Variants in LY75 observed in about 807,000 individuals in gnomAD.
LY75 encodes C-type lectin domain family 13 member B.
Under a neutral mutation model 231.7 loss-of-function variants are expected in LY75, and 185 were observed. The ratio of observed to expected loss-of-function variants is 0.80; its 90% CI spans 0.71 to 0.90. The LOEUF is 0.90. LY75 is among the 40% of genes least tolerant of loss of function. LY75 has a pLI of 0.00. For synonymous variants in LY75, 668 were observed against 689.0 expected (o/e 0.97, Z 0.48); for missense variants, 1,947 against 2,050.2 (o/e 0.95, Z 0.97).
intron 9 of LY75, 134 bp from the exon 10 acceptor site, chr2:159,878,855 T>C (rs778694042): frequency 2.2e-5 from 21 of 952,314 alleles, no homozygotes; most frequent in Non-Finnish European, 3.3e-5. Flanking sequence ...AAATCATACA[T>C]GTGATGAGGG....
intron 28 of LY75, among the ~76,000 whole-genome samples, chr2:159,824,235 C>T (rs138080781): frequency 5.9e-5 from 9 of 151,880 alleles, no homozygotes; most frequent in African/African-American, 2.2e-4. Flanking sequence ...TGCAAAGACA[C>T]AAATAGGCTC....
In LY75 at chr2:159,889,400, AT is replaced by A. The variant is rs895113329; in HGVS notation, c.802+812del. 1.0e-3 allele frequency among the ~76,000 whole-genome samples: 155 copies of A among 148,200 alleles called. 1 individual carries two copies. Among genetic ancestry groups the A allele is most frequent in the African/African-American group, 3.2e-3 (128 of 40,572 alleles). On this transcript the variant is annotated intron_variant, in intron 4 of 34. Transcript: ENST00000263636. ...CATGCCAACAGCCAATTAAAAAAAA[AT>A]TTTTTTTTTTGTAGAGACGTGGTCT...
chr2:159,833,805 C>T (rs1683736452), intron 27 of LY75, among the ~76,000 whole-genome samples: 3 of 152,018 alleles, frequency 2.0e-5, no homozygotes, highest in Admixed American at 6.6e-5. Context: ...CCGTGCTGTT[C>T]TCGTGATAGT....
In LY75 at chr2:159,864,843, G is replaced by A; in HGVS notation, c.2195C>T (p.Thr732Ile). ...AACAATAACGTTTTAACTTACTGGT[G>A]TACGATCACTCCATTGCCAGGATCC... is the stretch of plus-strand genomic sequence containing the variant. ...LQGSWQWSDR[T>I]PVSTIIMPNE... Residue 732 changes from threonine (T) to isoleucine (I), a missense_variant, in exon 14 of 35, where the codon ACA (threonine) becomes ATA (isoleucine). Thr to Ile is a moderately conservative substitution (Grantham distance 89, BLOSUM62 -1). Coordinates refer to ENST00000263636, the MANE Select transcript of LY75 (RefSeq NM_002349.4). 1 of 1,595,972 alleles carries A rather than the reference G, an allele frequency of 6.3e-7. No individual in the cohort carries two copies. The highest frequency in any genetic ancestry group is 8.5e-7 in the Non-Finnish European group (1 of 1,171,844).
intron 8 of LY75, 152 bp downstream of exon 8, chr2:159,880,931 A>T: frequency 8.8e-6 from 8 of 912,424 alleles, no homozygotes; most frequent in Non-Finnish European, 1.3e-5. Context: ...CCCAATTCTT[A>T]ACAGGTAATG....
chr2:159,887,444 G>T (rs1409071335), intron 4 of LY75, among the ~76,000 whole-genome samples: 2 of 151,530 alleles, frequency 1.3e-5, no homozygotes, highest in Non-Finnish European at 2.9e-5. Flanking sequence ...TGTAATCCCA[G>T]CTACTCAGGA....
chr2:159,872,994 C>G (rs1328790455), intron 12 of LY75, among the ~76,000 whole-genome samples: 1 of 152,158 alleles, frequency 6.6e-6, no homozygotes, highest in African/African-American at 2.4e-5. Context: ...ATATAAGACA[C>G]AGTGACCCAC....
chr2:159,848,912 T>A (rs1684298119), intron 23 of LY75, among the ~76,000 whole-genome samples: 2 of 152,120 alleles, frequency 1.3e-5, no homozygotes, highest in Non-Finnish European at 2.9e-5. Flanking sequence ...AGTGCATAAA[T>A]TATAAGGGTA....
intron 33 of LY75, 33 bp from the exon 34 acceptor site, chr2:159,807,173 C>T: frequency 6.3e-7 from 1 of 1,586,060 alleles, no homozygotes; most frequent in Non-Finnish European, 8.6e-7. Flanking sequence ...ACTATGTCTA[C>T]TGCCACTAAA....
intron 32 of LY75, 79 bp from the exon 33 acceptor site, chr2:159,808,650 A>G: frequency 1.3e-6 from 2 of 1,551,220 alleles, no homozygotes; most frequent in Non-Finnish European, 1.7e-6. Flanking sequence ...CATTTGAAAA[A>G]TACATATATT....
intron 25 of LY75, among the ~76,000 whole-genome samples, chr2:159,838,835 G>A (rs904947678): frequency 1.3e-4 from 20 of 151,978 alleles, no homozygotes; most frequent in Middle Eastern, 6.8e-3. Flanking sequence ...TCACTCTGTC[G>A]CCCAGGCTGG....
At chr2:159,881,790 G>A (rs142855090) in intron 7 of LY75, among the ~76,000 whole-genome samples, 185 of 152,252 alleles carry the variant, frequency 1.2e-3, no homozygotes, top group African/African-American at 4.2e-3. Context: ...ATAGAATTTA[G>A]CTCATGAGAA....
At chr2:159,839,403 A>G (rs759022237) in intron 25 of LY75, among the ~76,000 whole-genome samples, 1 of 152,196 alleles carries the variant, frequency 6.6e-6, no homozygotes, top group African/African-American at 2.4e-5. Flanking sequence ...GGTTTGTGCT[A>G]CATGTGCAGA....
Position 159,853,165 on chromosome 2 carries a change from T to C in LY75, c.2743+108A>G. The C allele has an allele frequency of 3.4e-6, 4 of 1,177,298 alleles. No individual in the cohort carries two copies. In the South Asian group the frequency reaches 6.6e-5, roughly 19 times the overall value. The allele number at this position is 1,177,298 out of a possible 1,614,324, so 72.9% of individuals were successfully genotyped here. On this transcript the variant is annotated intron_variant, in intron 20 of 34. Coordinates refer to ENST00000263636, the MANE Select transcript of LY75 (RefSeq NM_002349.4). ...TTGCTAATAATAAATCAGAATAAGA[T>C]GAAATTACCAAACATATAATTAAAA...
chr2:159,898,238 T>C (rs1194060941), intron 2 of LY75, among the ~76,000 whole-genome samples: 2 of 152,196 alleles, frequency 1.3e-5, no homozygotes, highest in Non-Finnish European at 2.9e-5. Context: ...CCTCAGTCTC[T>C]CGAGAAGCTG....
intron 1 of LY75, 53 bp downstream of exon 1, chr2:159,904,536 G>C: frequency 6.7e-7 from 1 of 1,486,198 alleles, no homozygotes; most frequent in Non-Finnish European, 8.9e-7. Context: ...AGGCAGCAGA[G>C]CTGTGGCGTC....
intron 2 of LY75, among the ~76,000 whole-genome samples, chr2:159,895,957 C>T (rs1685898929): frequency 1.3e-5 from 2 of 152,336 alleles, no homozygotes; most frequent in South Asian, 4.1e-4. Flanking sequence ...AGAATCTTCT[C>T]TGAATGTGCA....
intron 23 of LY75, among the ~76,000 whole-genome samples, chr2:159,846,246 TG>T (rs1235477034): frequency 6.6e-6 from 1 of 151,452 alleles, no homozygotes; most frequent in Non-Finnish European, 1.5e-5. Context: ...AAACAGAGGC[TG>T]GGTGTGGTGA....
At chr2:159,897,993 C>T (rs906056748) in intron 2 of LY75, among the ~76,000 whole-genome samples, 1 of 152,142 alleles carries the variant, frequency 6.6e-6, no homozygotes, top group South Asian at 2.1e-4. Context: ...ATATAAACAT[C>T]AAAATTTGGT....
Sources: gnomAD v4.1 joint callset for allele counts (sites outside exome capture counted in the v4.1 genomes callset) on GRCh38, gnomAD v4.1.1 for gene constraint, MANE v1.5 for transcripts, NCBI Gene and HGNC (gene_info 2026-07-23, HGNC 2026-07-21) for gene names.